The following ASH1L variants were observed in gnomAD, a reference collection of about 807,000 sequenced individuals.
The protein encoded by ASH1L is ASH1 like histone lysine methyltransferase.
In ASH1L, 23 loss-of-function variants were observed where a neutral mutation model predicts 269.0. The ratio of observed to expected loss-of-function variants is 0.09; its 90% CI spans 0.06 to 0.12. The LOEUF is 0.12. Ranked by LOEUF, ASH1L falls within the 10% of genes least tolerant of loss-of-function variation. The pLI is 1.00. For synonymous variants in ASH1L, 1,187 were observed against 1,253.5 expected, an observed-to-expected ratio of 0.95 and a Z score of 1.12; for missense variants, 2,912 against 3,567.8, an observed-to-expected ratio of 0.82 and a Z score of 4.68.
chr1:155,536,749 A>G (rs961993958), intron 1 of ASH1L, among the ~76,000 whole-genome samples: 4 of 151,948 alleles, frequency 2.6e-5, no homozygotes, highest in Admixed American at 6.6e-5. Context: ...AAGTTAAAAG[A>G]AAAAAGAAAG....
In ASH1L at chr1:155,336,444, TTTCTC is replaced by T. The variant is rs528864992; in HGVS notation, c.*1211_*1215del. The T allele has an allele frequency of 5.3e-4, 81 of 152,566 alleles. No individual in the cohort carries two copies. Among genetic ancestry groups the T allele is most frequent in the African/African-American group, 1.9e-3 (78 of 41,490 alleles). The allele number at this position is 152,566 out of a possible 1,614,324, so 9.5% of individuals were successfully genotyped here. On this transcript the variant is annotated 3_prime_UTR_variant, in exon 28 of 28. Coordinates refer to ENST00000392403, the MANE Select transcript of ASH1L (RefSeq NM_018489.3). ...AACTTGGCACATTTAAAAACCATCT[TTTCTC>T]TTATAAGAACATCTAAAACATATAT...
At position 155,337,604 on chromosome 1, in the gene ASH1L, C is replaced by T. The variant is rs746467518; in HGVS notation, c.*56G>A. 1.5e-5 allele frequency: 22 copies of T among 1,455,764 alleles called. No homozygotes were observed. Among genetic ancestry groups the T allele is most frequent in the Non-Finnish European group, 1.8e-5 (19 of 1,037,306 alleles). 90.2% of individuals were successfully genotyped at this position (1,455,764 alleles called of 1,614,324 possible). A position where few individuals can be genotyped will look rare whatever the true frequency, so the allele number is the denominator to read the frequency against. ...CTGTCTATACCCAGAGAGCAGGAGG[C>T]AGGACTGATTAGCTCCACTGGATCC... On this transcript the variant is annotated 3_prime_UTR_variant, in exon 28 of 28. Transcript: ENST00000392403.
intron 1 of ASH1L, among the ~76,000 whole-genome samples, chr1:155,527,529 A>AC: frequency 7.6e-6 from 1 of 131,302 alleles, no homozygotes. Flanking sequence ...CTTACGGGAT[A>AC]CCTTTTTTTT....
At chr1:155,535,993 C>T (rs1670029717) in intron 1 of ASH1L, among the ~76,000 whole-genome samples, 1 of 148,732 alleles carries the variant, frequency 6.7e-6, no homozygotes, top group South Asian at 2.1e-4. Flanking sequence ...AGCAAAACTC[C>T]ATCTCAAGAA....
At chr1:155,529,908 G>C (rs1161593141) in intron 1 of ASH1L, among the ~76,000 whole-genome samples, 2 of 151,578 alleles carry the variant, frequency 1.3e-5, no homozygotes, top group Non-Finnish European at 2.9e-5. Context: ...AGATTGCAGT[G>C]AGCCGAGATT....
intron 5 of ASH1L, among the ~76,000 whole-genome samples, chr1:155,417,564 C>T (rs1042785135): frequency 3.3e-5 from 5 of 152,106 alleles, no homozygotes; most frequent in Non-Finnish European, 5.9e-5. Context: ...TTCCATTAGG[C>T]AAAGTAGAAA....
rs535064122 is a variant in ASH1L, at chr1:155,339,969, A to G, written c.8461-601T>C. On this transcript the variant is annotated intron_variant, in intron 25 of 27. Transcript: ENST00000392403. ...CTTACGGGATCACCGTTGTATATGC[A>G]GTCCAATGTTGACTGAAACATGTTG... Among the ~76,000 whole-genome samples, 3 of 152,314 alleles carry G rather than the reference A, an allele frequency of 2.0e-5. No individual in the cohort carries two copies. In the East Asian group the frequency reaches 5.8e-4, roughly 29 times the overall value.
chr1:155,396,706 G>A (rs1019102257), intron 6 of ASH1L, among the ~76,000 whole-genome samples: 4 of 151,426 alleles, frequency 2.6e-5, no homozygotes, highest in South Asian at 2.1e-4. Flanking sequence ...GCTCACGCTT[G>A]TAATCCCAGC....
chr1:155,413,631 A>C (rs1308645098), intron 6 of ASH1L, among the ~76,000 whole-genome samples: 1 of 152,020 alleles, frequency 6.6e-6, no homozygotes, highest in African/African-American at 2.4e-5. Context: ...ACCAGAAAAC[A>C]AAAAACAAAG....
At position 155,480,726 on chromosome 1, in the gene ASH1L, CTTCCTT is replaced by C. The variant is rs1301370838; in HGVS notation, c.2138_2143del (p.Lys713_Gly714del). On this transcript the variant is annotated inframe_deletion, in exon 3 of 28. Transcript: ENST00000392403. ...CACCACTTTAGTCCACCGAGGTTTT[CTTCCTT>C]TTCTTTTTTTTAATGGTTTGGACTG... 2 of 1,613,552 alleles carry C rather than the reference CTTCCTT, an allele frequency of 1.2e-6. No homozygotes were observed. Among genetic ancestry groups the C allele is most frequent in the Admixed American group, 1.7e-5 (1 of 59,946 alleles).
chr1:155,470,672 C>T (rs1274868895), intron 3 of ASH1L, among the ~76,000 whole-genome samples: 3 of 151,744 alleles, frequency 2.0e-5, no homozygotes, highest in African/African-American at 4.8e-5. Context: ...GTGCCTCAGC[C>T]TCCCGAGTAG....
intron 7 of ASH1L, among the ~76,000 whole-genome samples, chr1:155,394,064 C>CAGGAAAATTATTTTA (rs1374498325): frequency 1.3e-5 from 2 of 152,060 alleles, no homozygotes; most frequent in Non-Finnish European, 2.9e-5. Context: ...ATGAGACTAT[C>CAGGAAAATTATTTTA]AGGAAAATTA....
chr1:155,545,174 C>CAAAA (rs1558211884), intron 1 of ASH1L, among the ~76,000 whole-genome samples: 2 of 2,186 alleles, frequency 9.1e-4, no homozygotes, highest in African/African-American at 1.9e-3. Context: ...CTCCATCTCA[C>CAAAA]CAAAAAAAAA....
chr1:155,531,843 C>T (rs1024593249), intron 1 of ASH1L, among the ~76,000 whole-genome samples: 2 of 152,162 alleles, frequency 1.3e-5, no homozygotes, highest in African/African-American at 2.4e-5. Flanking sequence ...AGATATTTCA[C>T]AACAGAGTGC....
At chr1:155,517,799 T>C (rs906521950) in intron 2 of ASH1L, among the ~76,000 whole-genome samples, 1 of 119,756 alleles carries the variant, frequency 8.4e-6, no homozygotes, top group African/African-American at 3.1e-5. Context: ...ATTTCTTTTT[T>C]TTTTTTTTTT....
chr1:155,421,488 C>T (rs1055138130), intron 5 of ASH1L, among the ~76,000 whole-genome samples: 6 of 151,286 alleles, frequency 4.0e-5, no homozygotes, highest in African/African-American at 9.7e-5. Flanking sequence ...CTGGCTAACA[C>T]GGTGAAACCC....
chr1:155,345,019 C>T (rs894092098), intron 21 of ASH1L, among the ~76,000 whole-genome samples: 3 of 151,664 alleles, frequency 2.0e-5, no homozygotes, highest in Non-Finnish European at 4.4e-5. Flanking sequence ...TGCAGTGGTG[C>T]GATCTCGACC....
At chr1:155,470,777 C>T (rs1665039058) in intron 3 of ASH1L, among the ~76,000 whole-genome samples, 1 of 152,028 alleles carries the variant, frequency 6.6e-6, no homozygotes, top group Non-Finnish European at 1.5e-5. Context: ...ATCTCGAACT[C>T]CTAACCTCAA....
At chr1:155,411,585 A>ATG (rs1491484559) in intron 6 of ASH1L, among the ~76,000 whole-genome samples, 1 of 30,974 alleles carries the variant, frequency 3.2e-5, no homozygotes, top group Non-Finnish European at 7.6e-5. Flanking sequence ...ATAAATAAAT[A>ATG]AATATATATA....
Sources: gnomAD v4.1 joint callset for allele counts (sites outside exome capture counted in the v4.1 genomes callset) on GRCh38, gnomAD v4.1.1 for gene constraint, MANE v1.5 for transcripts, NCBI Gene and HGNC (gene_info 2026-07-23, HGNC 2026-07-21) for gene names.